The following KCND3 variants were observed in gnomAD, a reference collection of about 807,000 sequenced individuals.
The protein encoded by KCND3 is A-type voltage-gated potassium channel KCND3.
In KCND3, 9 loss-of-function variants were observed where a neutral mutation model predicts 51.1. That is an observed-to-expected ratio of 0.18 (90% CI 0.11 to 0.31). The LOEUF (loss-of-function observed/expected upper bound fraction) is 0.31, where lower values mean the gene tolerates loss of function less well. Ranked by LOEUF, KCND3 falls within the 10% of genes least tolerant of loss-of-function variation. The pLI is 1.00. For missense variants in KCND3, 526 were observed against 903.8 expected (o/e 0.58, Z 5.36); for synonymous variants, 349 against 368.0 (o/e 0.95, Z 0.59).
rs577756027 is a variant in KCND3 at position 111,983,260 on chromosome 1, G to C, written c.-72-462C>G. On this transcript the variant is annotated intron_variant, in intron 1 of 7. Coordinates refer to ENST00000302127, the MANE Select transcript of KCND3 (RefSeq NM_001378969.1). The stretch of plus-strand genomic sequence containing the variant: ...TCACCCACTGGGGTAATCAGGAACG[G>C]GGTGTAGATGAGTGAGATCAGGTAA... Among the ~76,000 whole-genome samples the C allele has an allele frequency of 4.5e-4, 69 of 152,290 alleles. 1 individual carries two copies. The South Asian group carries it at 6.2e-3, about 14-fold the overall frequency.
chr1:111,841,720 A>G (rs1378525137), intron 2 of KCND3, among the ~76,000 whole-genome samples: 4 of 152,256 alleles, frequency 2.6e-5, no homozygotes, highest in Admixed American at 2.0e-4. Context: ...GGCACAGGCC[A>G]TATCAGTTCC....
In KCND3 at chr1:111,787,281, A is replaced by C. The variant is rs1664647730; in HGVS notation, c.1107-175T>G. Among the ~76,000 whole-genome samples, 3 of 152,194 alleles carry C rather than the reference A, an allele frequency of 2.0e-5. No homozygotes were observed. The South Asian group carries it at 6.2e-4, about 32-fold the overall frequency. ...CCTGGGGGTGAACAAGAGAGACAAGATCCTTATGTGCAGGGAGCCAACATC... is the reference window on the plus strand; with the variant it reads ...CCTGGGGGTGAACAAGAGAGACAAGCTCCTTATGTGCAGGGAGCCAACATC... On this transcript the variant is annotated intron_variant, in intron 2 of 7. Transcript: ENST00000302127.
intron 2 of KCND3, among the ~76,000 whole-genome samples, chr1:111,973,947 C>T (rs760014097): frequency 2.0e-4 from 31 of 152,194 alleles, no homozygotes; most frequent in Non-Finnish European, 3.1e-4. Flanking sequence ...TGAGGTGGCA[C>T]TTATATTAAA....
At chr1:111,811,413 T>A (rs1365738331) in intron 2 of KCND3, among the ~76,000 whole-genome samples, 1 of 152,212 alleles carries the variant, frequency 6.6e-6, no homozygotes, top group African/African-American at 2.4e-5. Flanking sequence ...TACTGCTTGC[T>A]ACCCACACTC....
At chr1:111,882,987 G>C (rs1322166089) in intron 2 of KCND3, among the ~76,000 whole-genome samples, 1 of 152,190 alleles carries the variant, frequency 6.6e-6, no homozygotes, top group African/African-American at 2.4e-5. Flanking sequence ...CACCTTCCTC[G>C]AGAGCCTTCC....
chr1:111,895,382 A>C (rs1001627079), intron 2 of KCND3, among the ~76,000 whole-genome samples: 6 of 152,182 alleles, frequency 3.9e-5, no homozygotes, highest in African/African-American at 1.4e-4. Flanking sequence ...CAAAGTGCAC[A>C]CCAAATGGGG....
intron 2 of KCND3, among the ~76,000 whole-genome samples, chr1:111,953,434 G>A (rs1272436947): frequency 6.6e-6 from 1 of 152,176 alleles, no homozygotes; most frequent in Non-Finnish European, 1.5e-5. Flanking sequence ...ATTCATGCTC[G>A]CATGATCTAA....
intron 2 of KCND3, among the ~76,000 whole-genome samples, chr1:111,869,537 G>A (rs1668740405): frequency 6.6e-6 from 1 of 152,148 alleles, no homozygotes; most frequent in Non-Finnish European, 1.5e-5. Context: ...CAGTCACAGG[G>A]TATTCAAAGC....
intron 2 of KCND3, among the ~76,000 whole-genome samples, chr1:111,935,730 G>A (rs1213485633): frequency 6.6e-6 from 1 of 152,144 alleles, no homozygotes; most frequent in Admixed American, 6.5e-5. Context: ...CCTGCAAATT[G>A]AGGGGCAAAC....
chr1:111,865,022 C>G (rs1668492801), intron 2 of KCND3, among the ~76,000 whole-genome samples: 1 of 152,196 alleles, frequency 6.6e-6, no homozygotes, highest in Non-Finnish European at 1.5e-5. Flanking sequence ...GTTCGAGGAA[C>G]AGCCAGACAT....
intron 1 of KCND3, chr1:111,989,056 C>T (rs990541053): frequency 1.3e-5 from 2 of 152,212 alleles, no homozygotes; most frequent in Non-Finnish European, 2.9e-5. Context: ...GATGGACTGG[C>T]CCCCAGCCTC....
At chr1:111,953,414 A>T (rs1469744189) in intron 2 of KCND3, among the ~76,000 whole-genome samples, 2 of 152,214 alleles carry the variant, frequency 1.3e-5, no homozygotes, top group Non-Finnish European at 2.9e-5. Flanking sequence ...GACACAGAAA[A>T]CCAGTGTTGA....
chr1:111,871,075 A>G (rs535089701), intron 2 of KCND3, among the ~76,000 whole-genome samples: 10 of 152,202 alleles, frequency 6.6e-5, no homozygotes, highest in Non-Finnish European at 1.2e-4. Flanking sequence ...ATGGGGGCAT[A>G]TGTGAGGCAC....
intron 1 of KCND3, among the ~76,000 whole-genome samples, chr1:111,986,789 C>T (rs1675311039): frequency 6.6e-6 from 1 of 152,074 alleles, no homozygotes; most frequent in Non-Finnish European, 1.5e-5. Context: ...TTAGCCTGAG[C>T]CTCAAGGTAG....
chr1:111,944,684 C>T (rs1672694572), intron 2 of KCND3, among the ~76,000 whole-genome samples: 1 of 152,252 alleles, frequency 6.6e-6, no homozygotes, highest in South Asian at 2.1e-4. Flanking sequence ...CTGATGTTGG[C>T]TCACTGGTCT....
chr1:111,972,452 G>A (rs1442171504), intron 2 of KCND3, among the ~76,000 whole-genome samples: 9 of 152,140 alleles, frequency 5.9e-5, no homozygotes, highest in African/African-American at 1.4e-4. Flanking sequence ...GATTACAGGC[G>A]TGAGCCCCCG....
chr1:111,869,642 C>T (rs1255474370), intron 2 of KCND3, among the ~76,000 whole-genome samples: 2 of 152,202 alleles, frequency 1.3e-5, no homozygotes, highest in African/African-American at 4.8e-5. Flanking sequence ...CATTGCCAGA[C>T]CCTGTGCTAG....
chr1:111,964,852 C>T (rs77200687), intron 2 of KCND3, among the ~76,000 whole-genome samples: 2 of 152,068 alleles, frequency 1.3e-5, no homozygotes, highest in Admixed American at 6.5e-5. Context: ...CCCCATTTCC[C>T]GATGTGTGCA....
chr1:111,907,116 C>T (rs1670684105), intron 2 of KCND3, among the ~76,000 whole-genome samples: 1 of 152,198 alleles, frequency 6.6e-6, no homozygotes, highest in African/African-American at 2.4e-5. Flanking sequence ...TGTCACAGCA[C>T]CTGCCACACT....
Sources: allele counts gnomAD v4.1 joint callset (sites outside exome capture counted in the v4.1 genomes callset), GRCh38; gene constraint gnomAD v4.1.1; transcripts MANE v1.5; gene names NCBI Gene and HGNC (gene_info 2026-07-23, HGNC 2026-07-21).